The following AOPEP variants were observed in gnomAD, a reference collection of about 807,000 sequenced individuals.
The protein encoded by AOPEP is aminopeptidase O.
AOPEP carries 77 observed loss-of-function variants against 98.1 expected under a neutral mutation model. The ratio of observed to expected loss-of-function variants is 0.78; its 90% CI spans 0.65 to 0.95. The LOEUF is 0.95. Ranked by LOEUF, AOPEP falls within the 40% of genes least tolerant of loss-of-function variation. The pLI, the probability that AOPEP is intolerant of heterozygous loss-of-function variation, is 0.00. For synonymous variants in AOPEP, 346 were observed against 365.3 expected, an observed-to-expected ratio of 0.95 and a Z score of 0.60; for missense variants, 1,024 against 1,024.7, an observed-to-expected ratio of 1.00 and a Z score of 0.01.
In AOPEP at chr9:94,955,374, G is replaced by A. The variant is rs1488336274; in HGVS notation, c.1764+95G>A. The A allele has an allele frequency of 4.0e-6, 3 of 745,766 alleles. No individual in the cohort carries two copies. In the African/African-American group the frequency reaches 5.3e-5, roughly 13 times the overall value. 46.2% of individuals were successfully genotyped at this position (745,766 alleles called of 1,614,324 possible). The stretch of plus-strand genomic sequence containing the variant: ...TGATGATTAGTAACAAGACTGAGGT[G>A]AAAATACTGTAATGATATCTGACTG... On this transcript the variant is annotated intron_variant, in intron 8 of 16. Coordinates refer to ENST00000375315, the MANE Select transcript of AOPEP (RefSeq NM_001193329.3).
At chr9:94,952,702 T>C (rs1337763187) in intron 7 of AOPEP, among the ~76,000 whole-genome samples, 1 of 152,236 alleles carries the variant, frequency 6.6e-6, no homozygotes. Flanking sequence ...TTTCCATTCA[T>C]AGAGTGTCAT....
chr9:94,996,166 T>C (rs1453997229), intron 11 of AOPEP, among the ~76,000 whole-genome samples: 2 of 152,200 alleles, frequency 1.3e-5, no homozygotes, highest in Non-Finnish European at 1.5e-5. Flanking sequence ...GAAAACATCC[T>C]ACAAAAAGTG....
intron 7 of AOPEP, chr9:94,931,908 G>A: frequency 8.5e-7 from 1 of 1,177,710 alleles, no homozygotes; most frequent in Middle Eastern, 2.2e-4. Context: ...TTGCTGGCAG[G>A]TTAACAGTCT....
rs549988659 is a variant in AOPEP, at chr9:94,843,903, G to T, written c.1364+42901G>T. 5.9e-5 allele frequency among the ~76,000 whole-genome samples: 9 copies of T among 151,928 alleles called. No individual in the cohort carries two copies. The South Asian group carries it at 1.9e-3, about 32-fold the overall frequency. On this transcript the variant is annotated intron_variant, in intron 5 of 16. Transcript: ENST00000375315. ...TTTAAGTTATTGCTATCTTTTTGTT[G>T]GTAAGTTATTTAAAGATATTGCTAT... is the stretch of plus-strand genomic sequence containing the variant.
intron 13 of AOPEP, among the ~76,000 whole-genome samples, chr9:95,007,397 G>T (rs1014036485): frequency 7.0e-6 from 1 of 143,350 alleles, no homozygotes; most frequent in African/African-American, 2.6e-5. Flanking sequence ...GTGGGGGGGG[G>T]ACTGATTATT....
At position 95,005,615 on chromosome 9, in the gene AOPEP, A is replaced by G. The variant is rs2061950359; in HGVS notation, c.2114A>G (p.Lys705Arg). Reference protein sequence around the residue: ...KRREKEEVFEKLLPDQLVLLL... With the variant: ...KRREKEEVFERLLPDQLVLLL... Reference sequence around the variant, plus strand: ...AGGGAGAAGGAAGAGGTGTTTGAAAAGGTAGGGGTTCCCGAGACGGTACTC... The same window carrying G: ...AGGGAGAAGGAAGAGGTGTTTGAAAGGGTAGGGGTTCCCGAGACGGTACTC... The change falls in exon 13 of 17, where the codon AAG becomes AGG. Residue 705 changes from lysine (K) to arginine (R), a missense_variant and splice_region_variant. Lys to Arg is a conservative substitution (Grantham distance 26). Coordinates refer to ENST00000375315, the MANE Select transcript of AOPEP (RefSeq NM_001193329.3). 1 of 1,613,694 alleles carries G rather than the reference A, an allele frequency of 6.2e-7. No individual in the cohort carries two copies. The highest frequency in any genetic ancestry group is 1.7e-5 in the Admixed American group (1 of 60,008).
intron 1 of AOPEP, among the ~76,000 whole-genome samples, chr9:94,754,370 G>A (rs1403158867): frequency 6.6e-6 from 1 of 152,176 alleles, no homozygotes; most frequent in Non-Finnish European, 1.5e-5. Context: ...CAAGTAATCG[G>A]TGGAATTAAA....
At position 94,760,286 on chromosome 9, in the gene AOPEP, A is replaced by G; in HGVS notation, c.503A>G (p.Glu168Gly). The change falls in exon 2 of 17, where the codon GAA becomes GGA. Residue 168 changes from glutamate to glycine, a missense_variant. Glu to Gly is a moderately conservative substitution (Grantham distance 98). Coordinates refer to ENST00000375315, the MANE Select transcript of AOPEP (RefSeq NM_001193329.3). ...GATGTTGCTGCTGTGCCAGGTCTGG[A>G]AAAATTTACAAGGTCTCCTGAGCTC... ...EVDVAAVPGL[E>G]KFTRSPELTV... 1.9e-6 allele frequency: 3 copies of G among 1,614,184 alleles called. No homozygotes were observed. The highest frequency in any genetic ancestry group is 2.2e-5 in the South Asian group (2 of 91,082).
In AOPEP at chr9:94,930,975, G is replaced by C. The variant is rs1322594739; in HGVS notation, c.1661+2444G>C. On this transcript the variant is annotated intron_variant, in intron 7 of 16. Coordinates refer to ENST00000375315, the MANE Select transcript of AOPEP (RefSeq NM_001193329.3). The surrounding 1 kb of genome is among the most constrained non-coding windows in gnomAD (Gnocchi z 4.5). ...GTGCAAATCCCTTCACCTCTTAAAG[G>C]CTCAGTCCCTCCACCTAAGAGGTCA... Among the ~76,000 whole-genome samples the C allele has an allele frequency of 2.0e-5, 3 of 152,138 alleles. No individual in the cohort carries two copies. In the South Asian group the frequency reaches 6.2e-4, roughly 32 times the overall value.
intron 3 of AOPEP, among the ~76,000 whole-genome samples, chr9:94,781,717 C>T (rs1489043505): frequency 5.3e-5 from 8 of 151,188 alleles, no homozygotes; most frequent in Admixed American, 1.3e-4. Flanking sequence ...CCCGCCACCA[C>T]GCCTGGCTAA....
intron 14 of AOPEP, 58 bp from the exon 15 acceptor site, chr9:95,080,636 C>T (rs1324994823): frequency 8.5e-6 from 11 of 1,290,602 alleles, no homozygotes; most frequent in South Asian, 2.4e-5. Flanking sequence ...TCACTGGGCC[C>T]GGTGGGCTGG....
chr9:95,007,816 C>T (rs1233511391), intron 13 of AOPEP, among the ~76,000 whole-genome samples: 8 of 152,280 alleles, frequency 5.3e-5, no homozygotes, highest in African/African-American at 1.7e-4. Flanking sequence ...AGGGCCTTCC[C>T]CCTATTCTGA....
Position 94,979,414 on chromosome 9 carries a change from C to A in AOPEP, c.1964C>A (p.Ser655Tyr). ...ATCTACCAAGACTGGCTTGAGAGTT[C>A]CGGAATACCAAAGGTAACTCAAGAT... ...ENIYQDWLESSGIPKPLQRER... is the reference protein window; with the variant it reads ...ENIYQDWLESYGIPKPLQRER... Residue 655 changes from serine (S) to tyrosine (Y), a missense_variant, in exon 11 of 17, where the codon TCC (serine) becomes TAC (tyrosine). Transcript: ENST00000375315. 6.3e-7 allele frequency: 1 copy of A among 1,598,564 alleles called. No individual in the cohort carries two copies. Among genetic ancestry groups the A allele is most frequent in the Non-Finnish European group, 8.5e-7 (1 of 1,169,898 alleles).
chr9:95,131,186 T>G, the AOPEP span, among the ~76,000 whole-genome samples: 2 of 152,232 alleles, frequency 1.3e-5, no homozygotes, highest in African/African-American at 4.8e-5. Flanking sequence ...AAGTACCAAA[T>G]GTACTTTTGC....
chr9:94,989,190 C>T (rs1186956946), intron 11 of AOPEP, among the ~76,000 whole-genome samples: 1 of 152,048 alleles, frequency 6.6e-6, no homozygotes, highest in African/African-American at 2.4e-5. Context: ...CAAGCTCTGC[C>T]TCCCGGGTTC....
At position 94,980,846 on chromosome 9, in the gene AOPEP, C is replaced by G. The variant is rs951716823; in HGVS notation, c.1977+1419C>G. 6.6e-6 allele frequency among the ~76,000 whole-genome samples: 1 copy of G among 152,210 alleles called. No individual in the cohort carries two copies. On this transcript the variant is annotated intron_variant, in intron 11 of 16. Coordinates refer to ENST00000375315, the MANE Select transcript of AOPEP (RefSeq NM_001193329.3). The surrounding 1 kb of genome is among the most constrained non-coding windows in gnomAD (Gnocchi z 4.3). Reference sequence around the variant, plus strand: ...ACTGAGGACAAACATCCAGGAAAAACAAGTTAAGGTTTGTCTAGGTGTGAA... The same window carrying G: ...ACTGAGGACAAACATCCAGGAAAAAGAAGTTAAGGTTTGTCTAGGTGTGAA...
At chr9:94,859,855 C>T (rs2044707039) in intron 5 of AOPEP, among the ~76,000 whole-genome samples, 1 of 152,198 alleles carries the variant, frequency 6.6e-6, no homozygotes, top group South Asian at 2.1e-4. Context: ...CTCAAGTTTT[C>T]TGTAAACTAA....
chr9:95,101,999 G>T, the AOPEP span: 1 of 905,000 alleles, frequency 1.1e-6, no homozygotes, highest in Non-Finnish European at 1.7e-6. Flanking sequence ...AGGGGCTCTA[G>T]TTTGCAAGGT....
chr9:95,090,460 A>G (rs2070851686), downstream of AOPEP, among the ~76,000 whole-genome samples: 1 of 152,176 alleles, frequency 6.6e-6, no homozygotes, highest in Non-Finnish European at 1.5e-5. Flanking sequence ...AGGCTGCGCC[A>G]ACCTGTGGCT....
Sources: allele counts gnomAD v4.1 joint callset (sites outside exome capture counted in the v4.1 genomes callset), GRCh38; gene constraint gnomAD v4.1.1; non-coding constraint Gnocchi (gnomAD v3.1); transcripts MANE v1.5; gene names NCBI Gene and HGNC (gene_info 2026-07-23, HGNC 2026-07-21).